Variants in IL1RAPL2 observed in about 807,000 individuals in gnomAD.
IL1RAPL2 encodes the protein X-linked interleukin-1 receptor accessory protein-like 2.
Under a neutral mutation model 44.1 loss-of-function variants are expected in IL1RAPL2, and 3 were observed. That is an observed-to-expected ratio of 0.07 (90% confidence interval 0.03 to 0.18). The LOEUF is 0.18. Ranked by LOEUF, IL1RAPL2 falls within the 10% of genes least tolerant of loss-of-function variation. IL1RAPL2 has a pLI of 1.00. For missense variants in IL1RAPL2, 391 were observed against 496.4 expected (o/e 0.79, Z 2.02); for synonymous variants, 181 against 178.8 (o/e 1.01, Z -0.10).
At chrX:105,353,794 C>G (rs2035177528) in intron 5 of IL1RAPL2, among the ~76,000 whole-genome samples, 1 of 111,587 alleles carries the variant, frequency 9.0e-6, no homozygotes, top group Non-Finnish European at 1.9e-5. Flanking sequence ...TATCCTGAGA[C>G]TTTACTGAAG....
At chrX:105,095,692 G>A (rs1017695978) in intron 2 of IL1RAPL2, among the ~76,000 whole-genome samples, 1 of 111,783 alleles carries the variant, frequency 8.9e-6, no homozygotes, top group Admixed American at 9.5e-5. Flanking sequence ...ATACAAAAAC[G>A]TAAACTAGCT....
chrX:105,081,293 G>A (rs1029827762), intron 2 of IL1RAPL2, among the ~76,000 whole-genome samples: 1 of 111,508 alleles, frequency 9.0e-6, no homozygotes. Flanking sequence ...CTTGTCTTCT[G>A]CTGGTTTTCA....
chrX:105,676,376 T>C (rs1039142880), intron 6 of IL1RAPL2, among the ~76,000 whole-genome samples: 4 of 111,159 alleles, frequency 3.6e-5, no homozygotes, highest in African/African-American at 1.3e-4. Context: ...TAGACACAAT[T>C]TCTCCTTGAT....
At chrX:104,646,237 C>T (rs991081900) in intron 1 of IL1RAPL2, among the ~76,000 whole-genome samples, 2 of 108,998 alleles carry the variant, frequency 1.8e-5, no homozygotes, top group African/African-American at 6.7e-5. Flanking sequence ...TAATATAAAT[C>T]TATAGGTTTA....
chrX:104,830,092 G>A (rs752024575), intron 2 of IL1RAPL2, among the ~76,000 whole-genome samples: 1 of 111,479 alleles, frequency 9.0e-6, no homozygotes, highest in Non-Finnish European at 1.9e-5. Context: ...AATGATAGAG[G>A]AGATCCTCTA....
intron 2 of IL1RAPL2, among the ~76,000 whole-genome samples, chrX:105,170,245 A>G (rs1339429543): frequency 9.0e-6 from 1 of 111,606 alleles, no homozygotes; most frequent in East Asian, 2.8e-4. Context: ...ATATAAAAAT[A>G]TTTATAATAT....
At chrX:104,855,681 G>GTGTGTTTTTTTTTTT in intron 2 of IL1RAPL2, among the ~76,000 whole-genome samples, 1 of 53,880 alleles carries the variant, frequency 1.9e-5, no homozygotes, top group East Asian at 5.8e-4. Context: ...ATCTGGATCC[G>GTGTGTTTTTTTTTTT]TTTTTTTTTT....
intron 1 of IL1RAPL2, among the ~76,000 whole-genome samples, chrX:104,629,673 A>C (rs893082690): frequency 8.9e-6 from 1 of 111,763 alleles, no homozygotes; most frequent in Non-Finnish European, 1.9e-5. Context: ...TTTTACATTT[A>C]AGTCTTTAAT....
chrX:105,355,662 G>T (rs764799309), intron 5 of IL1RAPL2, among the ~76,000 whole-genome samples: 70 of 111,190 alleles, frequency 6.3e-4, no homozygotes, highest in Non-Finnish European at 1.1e-3. Context: ...AATGTAATCT[G>T]TATGAATCAA....
intron 5 of IL1RAPL2, among the ~76,000 whole-genome samples, chrX:105,447,217 A>AT (rs1443503990): frequency 1.2e-3 from 1 of 801 alleles, no homozygotes; most frequent in Non-Finnish European, 3.7e-3. Context: ...AAATATATAT[A>AT]AAATATATAT....
chrX:105,726,631 C>T (rs755383173), intron 7 of IL1RAPL2, among the ~76,000 whole-genome samples: 14 of 110,668 alleles, frequency 1.3e-4, no homozygotes, highest in Non-Finnish European at 2.1e-4. Flanking sequence ...GTGACTACTG[C>T]TTTCTTACCA....
chrX:105,681,654 A>G (rs1160411130), intron 6 of IL1RAPL2, among the ~76,000 whole-genome samples: 1 of 111,164 alleles, frequency 9.0e-6, no homozygotes, highest in Non-Finnish European at 1.9e-5. Flanking sequence ...ACTACTCAAG[A>G]GGCTGAGGCC....
At chrX:104,692,362 T>A (rs1026279009) in intron 2 of IL1RAPL2, among the ~76,000 whole-genome samples, 2 of 109,823 alleles carry the variant, frequency 1.8e-5, no homozygotes, top group African/African-American at 3.3e-5. Context: ...ATATATATAT[T>A]TATTATTATT....
chrX:105,681,793 T>C (rs2037928109), intron 6 of IL1RAPL2, among the ~76,000 whole-genome samples: 1 of 111,959 alleles, frequency 8.9e-6, no homozygotes, highest in Admixed American at 9.5e-5. Context: ...TTCAGTCTTA[T>C]ATAATTATTC....
chrX:105,331,293 G>A (rs901957402), intron 5 of IL1RAPL2, among the ~76,000 whole-genome samples: 12 of 111,209 alleles, frequency 1.1e-4, no homozygotes, highest in African/African-American at 3.6e-4. Context: ...CCCCAAGTTG[G>A]TTCCTGGCCT....
chrX:105,414,500 T>C (rs929149383), intron 5 of IL1RAPL2, among the ~76,000 whole-genome samples: 4 of 111,938 alleles, frequency 3.6e-5, no homozygotes. Context: ...ACTCCTTAAC[T>C]TGAATTTATA....
At chrX:105,577,740 C>G (rs2147812959) in intron 6 of IL1RAPL2, among the ~76,000 whole-genome samples, 1 of 110,440 alleles carries the variant, frequency 9.1e-6, no homozygotes, top group African/African-American at 3.3e-5. Context: ...ACTTACCACA[C>G]TTTGCCACTC....
intron 2 of IL1RAPL2, among the ~76,000 whole-genome samples, chrX:104,947,208 G>T (rs1254601555): frequency 1.6e-4 from 18 of 111,281 alleles, no homozygotes; most frequent in Middle Eastern, 4.6e-3. Flanking sequence ...GCTGCATAAA[G>T]GTCTTCTTTT....
intron 2 of IL1RAPL2, among the ~76,000 whole-genome samples, chrX:105,112,620 A>G (rs1285373886): frequency 8.9e-6 from 1 of 112,734 alleles, no homozygotes; most frequent in Admixed American, 9.4e-5. Context: ...CTAAAGTACA[A>G]CAATCTCACT....
Sources: gnomAD v4.1 joint callset for allele counts (sites outside exome capture counted in the v4.1 genomes callset) on GRCh38, gnomAD v4.1.1 for gene constraint, MANE v1.5 for transcripts, NCBI Gene and HGNC (gene_info 2026-07-23, HGNC 2026-07-21) for gene names.